The following BAZ2B variants were observed in gnomAD, a reference collection of about 807,000 sequenced individuals.
The protein encoded by BAZ2B is bromodomain adjacent to zinc finger domain 2B.
A neutral mutation model predicts 246.0 loss-of-function variants in BAZ2B; 91 were observed. The ratio of observed to expected loss-of-function variants is 0.37; its 90% CI spans 0.31 to 0.44. The LOEUF (loss-of-function observed/expected upper bound fraction) is 0.44. Ranked by LOEUF, BAZ2B falls within the 20% of genes least tolerant of loss-of-function variation. The pLI, the probability that BAZ2B is intolerant of heterozygous loss-of-function variation, is 1.00. For missense variants in BAZ2B, 2,332 were observed against 2,533.7 expected (o/e 0.92, Z 1.71); for synonymous variants, 855 against 860.0 (o/e 0.99, Z 0.10).
At chr2:159,337,879 T>C (rs2065925278) in intron 31 of BAZ2B, 107 bp from the exon 32 acceptor site, 5 of 1,092,862 alleles carry the variant, frequency 4.6e-6, no homozygotes, top group Non-Finnish European at 6.4e-6. Context: ...TCTCAAGGAT[T>C]GTTACTAAAA....
chr2:159,676,952 T>TTATATATATATATATA, the BAZ2B span, among the ~76,000 whole-genome samples: 3 of 117,818 alleles, frequency 2.5e-5, no homozygotes, highest in Non-Finnish European at 5.2e-5. Flanking sequence ...AATAGTTTTG[T>TTATATATATATATATA]TATATATATA....
chr2:159,695,826 C>A, the BAZ2B span, among the ~76,000 whole-genome samples: 1 of 151,994 alleles, frequency 6.6e-6, no homozygotes, highest in Non-Finnish European at 1.5e-5. Context: ...GTGATCTTGG[C>A]TCATTGCAAC....
At chr2:159,459,892 T>C (rs2076205531) in intron 3 of BAZ2B, 1 of 152,106 alleles carries the variant, frequency 6.6e-6, no homozygotes, top group African/African-American at 2.4e-5. Context: ...AGAGAAAACA[T>C]TTGCAAGCTG....
intron 33 of BAZ2B, among the ~76,000 whole-genome samples, chr2:159,335,792 A>C (rs568807462): frequency 1.5e-4 from 23 of 152,344 alleles, no homozygotes; most frequent in African/African-American, 4.8e-4. Context: ...AACCATTTTA[A>C]GTAAAGGAAT....
intron 22 of BAZ2B, 48 bp downstream of exon 22, chr2:159,386,305 G>A (rs2062651322): frequency 6.7e-7 from 1 of 1,502,076 alleles, no homozygotes; most frequent in East Asian, 2.4e-5. Context: ...ATCTACCAAT[G>A]CACTGACAGT....
At chr2:159,352,193 T>C (rs1379438567) in intron 27 of BAZ2B, among the ~76,000 whole-genome samples, 1 of 152,188 alleles carries the variant, frequency 6.6e-6, no homozygotes, top group Non-Finnish European at 1.5e-5. Context: ...GCTAAGTTCT[T>C]GCCCTTCTCA....
At chr2:159,346,374 A>G (rs1446497627) in intron 31 of BAZ2B, among the ~76,000 whole-genome samples, 2 of 152,188 alleles carry the variant, frequency 1.3e-5, no homozygotes, top group Non-Finnish European at 2.9e-5. Context: ...TTCAAATCAA[A>G]TTACATGGAG....
the BAZ2B span, among the ~76,000 whole-genome samples, chr2:159,696,527 CTCTGA>C: frequency 1.3e-5 from 2 of 152,108 alleles, no homozygotes; most frequent in East Asian, 3.9e-4. Flanking sequence ...CTGTAGTCTC[CTCTGA>C]TCTATCAGTA....
chr2:159,371,672 T>C (rs12465312), intron 27 of BAZ2B, among the ~76,000 whole-genome samples: 100,403 of 152,098 alleles, frequency 0.66, 35,392 homozygotes, highest in Non-Finnish European at 0.81. Flanking sequence ...ATGCGTACTT[T>C]GCTCCCAGGT....
intron 6 of BAZ2B, chr2:159,444,098 T>A (rs572779658): frequency 6.6e-6 from 1 of 151,834 alleles, no homozygotes; most frequent in South Asian, 2.1e-4. Flanking sequence ...AAATGGATGG[T>A]TTCAGTCAGT....
At chr2:159,374,113 T>C (rs2061159048) in intron 26 of BAZ2B, among the ~76,000 whole-genome samples, 1 of 151,154 alleles carries the variant, frequency 6.6e-6, no homozygotes, top group Admixed American at 6.6e-5. Context: ...TCTCGCCATA[T>C]TGCCCAGGCT....
chr2:159,560,450 T>C (rs550978300), intron 1 of BAZ2B, among the ~76,000 whole-genome samples: 2 of 152,354 alleles, frequency 1.3e-5, no homozygotes, highest in African/African-American at 2.4e-5. Flanking sequence ...ATTTGTAGAC[T>C]GTATCAGTGT....
intron 27 of BAZ2B, among the ~76,000 whole-genome samples, chr2:159,355,272 G>A (rs138202788): frequency 7.9e-5 from 12 of 152,206 alleles, no homozygotes; most frequent in Admixed American, 1.3e-4. Context: ...AGGAGTACTC[G>A]CAGAGCTTTC....
chr2:159,411,056 C>CT (rs1377010452), intron 14 of BAZ2B, among the ~76,000 whole-genome samples: 2 of 152,198 alleles, frequency 1.3e-5, no homozygotes, highest in Admixed American at 6.5e-5. Context: ...GGGTCTCACT[C>CT]TGTCAGCCAG....
chr2:159,424,041 G>A (rs762076647), intron 13 of BAZ2B, among the ~76,000 whole-genome samples: 19 of 152,058 alleles, frequency 1.2e-4, no homozygotes, highest in Middle Eastern at 3.4e-3. Flanking sequence ...AAAGCACTGT[G>A]TCCCTAAAAA....
the BAZ2B span, among the ~76,000 whole-genome samples, chr2:159,651,110 T>C: frequency 1.3e-5 from 2 of 152,304 alleles, no homozygotes; most frequent in South Asian, 2.1e-4. Context: ...ATCAAGATAC[T>C]TTCTTTCCTC....
At chr2:159,436,282 C>G (rs2072282500) in intron 8 of BAZ2B, among the ~76,000 whole-genome samples, 2 of 152,104 alleles carry the variant, frequency 1.3e-5, no homozygotes, top group Admixed American at 1.3e-4. Flanking sequence ...AGAATCACTT[C>G]CCATATATTG....
chr2:159,528,969 TGG>T (rs1236496464), intron 2 of BAZ2B, among the ~76,000 whole-genome samples: 2 of 15,294 alleles, frequency 1.3e-4, no homozygotes, highest in Non-Finnish European at 2.4e-4. Flanking sequence ...TGTGGGGGGG[TGG>T]GGGTGGGGGG....
chr2:159,508,448 A>G (rs1269229364), intron 2 of BAZ2B, among the ~76,000 whole-genome samples: 1 of 152,188 alleles, frequency 6.6e-6, no homozygotes, highest in Non-Finnish European at 1.5e-5. Flanking sequence ...TGCTCTATAG[A>G]TTATTGAAAT....
Sources: gnomAD v4.1 joint callset for allele counts (sites outside exome capture counted in the v4.1 genomes callset) on GRCh38, gnomAD v4.1.1 for gene constraint, MANE v1.5 for transcripts, NCBI Gene and HGNC (gene_info 2026-07-23, HGNC 2026-07-21) for gene names.